Variants in TM2D3 observed in about 807,000 individuals in gnomAD.
TM2D3 encodes TM2 domain-containing protein 3.
Under a neutral mutation model 27.3 loss-of-function variants are expected in TM2D3, and 33 were observed. That is an observed-to-expected ratio of 1.21 (90% CI 0.92 to 1.61). The LOEUF (loss-of-function observed/expected upper bound fraction) is 1.61, where lower values mean the gene tolerates loss of function less well. Ranked by LOEUF, TM2D3 falls within the 40% of genes most tolerant of loss-of-function variation. TM2D3 has a pLI of 0.00. For missense variants in TM2D3, 364 were observed against 320.8 expected (o/e 1.13, Z -1.03); for synonymous variants, 138 against 122.2 (o/e 1.13, Z -0.85).
At chr15:101,652,160 C>T (rs1040256436) in intron 1 of TM2D3, 111 bp downstream of exon 1, 7 of 1,052,812 alleles carry the variant, frequency 6.6e-6, no homozygotes, top group Non-Finnish European at 8.4e-6. Context: ...GAGCCCGGCA[C>T]TCGGCCTCCT....
chr15:101,642,299 A>C lies in TM2D3; in HGVS notation c.*180T>G, dbSNP rs1896688033. ...ACAGAAAAAAATATATTTCAGGCAA[A>C]TAAAAACAAATTCCAGATTAGCATA... On this transcript the variant is annotated 3_prime_UTR_variant, in exon 6 of 6. Coordinates refer to ENST00000333202, the MANE Select transcript of TM2D3 (RefSeq NM_078474.3). 1 of 1,269,898 alleles carries C rather than the reference A, an allele frequency of 7.9e-7. No homozygotes were observed. The allele number at this position is 1,269,898 out of a possible 1,614,324, so 78.7% of individuals were successfully genotyped here.
At chr15:101,647,781 T>C (rs1896853404) in intron 3 of TM2D3, among the ~76,000 whole-genome samples, 1 of 152,184 alleles carries the variant, frequency 6.6e-6, no homozygotes, top group East Asian at 1.9e-4. Flanking sequence ...GTAGTCTTTT[T>C]ACTCTACCTG....
At chr15:101,637,464 CAT>C (rs1269440071), downstream of TM2D3, among the ~76,000 whole-genome samples, 3 of 152,130 alleles carry the variant, frequency 2.0e-5, no homozygotes, top group African/African-American at 7.2e-5. Flanking sequence ...GGCAAAGAAA[CAT>C]ATTTGGGGTT....
intron 4 of TM2D3, chr15:101,645,806 A>G (rs1896789688): frequency 7.2e-6 from 1 of 138,310 alleles, no homozygotes; most frequent in Non-Finnish European, 1.7e-5. Flanking sequence ...AAAATATACA[A>G]TAATGCAAAA....
Position 101,652,380 on chromosome 15 carries a change from C to G in TM2D3, c.-19G>C. On this transcript the variant is annotated 5_prime_UTR_variant, in exon 1 of 6. Coordinates refer to ENST00000333202, the MANE Select transcript of TM2D3 (RefSeq NM_078474.3). ...CCGCCATCTTGCCAGCGCCTGCGCA[C>G]TTCCGGGCCGGGGGGCGGGGCGCGC... 6.4e-7 allele frequency: 1 copy of G among 1,574,204 alleles called. No individual in the cohort carries two copies. Among genetic ancestry groups the G allele is most frequent in the East Asian group, 2.4e-5 (1 of 41,512 alleles).
chr15:101,646,723 A>C lies in TM2D3; in HGVS notation c.502+2T>G. On this transcript the variant is annotated splice_donor_variant, in intron 4 of 5. Coordinates refer to ENST00000333202, the MANE Select transcript of TM2D3 (RefSeq NM_078474.3). LOFTEE classifies it high-confidence loss of function. Reference sequence around the variant, plus strand: ...GACAAATGTCCTTGAACTCTGACCTACCCAAGCAGTGGACGTGGTCCCGCA... The same window carrying C: ...GACAAATGTCCTTGAACTCTGACCTCCCCAAGCAGTGGACGTGGTCCCGCA... The C allele has an allele frequency of 6.2e-7, 1 of 1,614,098 alleles. No individual in the cohort carries two copies. Among genetic ancestry groups the C allele is most frequent in the Non-Finnish European group, 8.5e-7 (1 of 1,180,010 alleles).
downstream of TM2D3, among the ~76,000 whole-genome samples, chr15:101,639,201 G>C (rs1037848703): frequency 6.6e-6 from 1 of 152,194 alleles, no homozygotes; most frequent in Non-Finnish European, 1.5e-5. Context: ...AATTTGCTAA[G>C]AGTAGATTTT....
chr15:101,645,516 T>C (rs1319948435), intron 4 of TM2D3: 1 of 245,116 alleles, frequency 4.1e-6, no homozygotes, highest in African/African-American at 2.3e-5. Context: ...GTATGAGTGT[T>C]ATGACAGAGG....
chr15:101,652,191 G>T, intron 1 of TM2D3, 80 bp downstream of exon 1: 2 of 1,314,862 alleles, frequency 1.5e-6, no homozygotes, highest in East Asian at 2.6e-5. Context: ...GCGTCCGCCC[G>T]TGGGCCCGGC....
chr15:101,636,023 T>C (rs1896543910), intron 4 of TM2D3: 1 of 151,696 alleles, frequency 6.6e-6, no homozygotes, highest in Admixed American at 6.6e-5. Flanking sequence ...GGTTACCAGC[T>C]TAAAGTGTAA....
rs1426738690 is a variant in TM2D3 at position 101,642,189 on chromosome 15, TACAAA to T, written c.*285_*289del. 7.5e-6 allele frequency: 8 copies of T among 1,065,106 alleles called. No homozygotes were observed. The African/African-American group carries it at 1.0e-4, about 13-fold the overall frequency. The allele number at this position is 1,065,106 out of a possible 1,614,324, so 66.0% of individuals were successfully genotyped here. ...AAGTGATGTAGTTTGACTTGGGCAA[TACAAA>T]ACAAAAGTCATAGGAATTAAATGGA... On this transcript the variant is annotated 3_prime_UTR_variant, in exon 6 of 6. Coordinates refer to ENST00000333202, the MANE Select transcript of TM2D3 (RefSeq NM_078474.3).
chr15:101,646,656 G>A (rs1320829008), intron 4 of TM2D3, 69 bp downstream of exon 4: 1 of 1,575,832 alleles, frequency 6.3e-7, no homozygotes, highest in Admixed American at 1.7e-5. Flanking sequence ...GCAAATTTCT[G>A]GTTAAAGTCC....
At chr15:101,651,044 T>C (rs62027586) in intron 2 of TM2D3, 15,998 of 152,548 alleles carry the variant, frequency 0.1, 1,148 homozygotes, top group Non-Finnish European at 0.15. Context: ...AGCCTCCACC[T>C]AGCAAAACAC....
At chr15:101,641,035 G>C (rs984654340), downstream of TM2D3, among the ~76,000 whole-genome samples, 6 of 152,220 alleles carry the variant, frequency 3.9e-5, no homozygotes, top group Non-Finnish European at 7.3e-5. Context: ...TTGCTCAACA[G>C]GGAAGTATTA....
intron 4 of TM2D3, 153 bp from the exon 5 acceptor site, chr15:101,645,315 C>T: frequency 1.6e-6 from 1 of 633,032 alleles, no homozygotes; most frequent in South Asian, 2.0e-5. Context: ...CGCTTACCAT[C>T]TATCTACATA....
At chr15:101,638,217 C>A (rs1896590108), downstream of TM2D3, among the ~76,000 whole-genome samples, 1 of 152,132 alleles carries the variant, frequency 6.6e-6, no homozygotes. Flanking sequence ...TTCACTTCCC[C>A]CAGCAGTAAC....
At position 101,642,616 on chromosome 15, in the gene TM2D3, G is replaced by C; in HGVS notation, c.607C>G (p.Arg203Gly). ...TCCCGCCACTGGCCCAGGTAGAAACGGTCTGCTCCAAACCCACCGAGGGTG... is the reference window on the plus strand; with the variant it reads ...TCCCGCCACTGGCCCAGGTAGAAACCGTCTGCTCCAAACCCACCGAGGGTG... ...SITLGGFGAD[R>G]FYLGQWREGL... Residue 203 changes from arginine to glycine, a missense_variant, in exon 6 of 6, where the codon CGT (arginine) becomes GGT (glycine). Arg to Gly is a moderately radical substitution (Grantham distance 125). Transcript: ENST00000333202. 1.9e-6 allele frequency: 3 copies of C among 1,612,548 alleles called. No individual in the cohort carries two copies. The highest frequency in any genetic ancestry group is 4.5e-5 in the East Asian group (2 of 44,784).
At chr15:101,642,755 G>A (rs1055177346) in intron 5 of TM2D3, 111 bp from the exon 6 acceptor site, 5 of 849,596 alleles carry the variant, frequency 5.9e-6, no homozygotes, top group South Asian at 4.7e-5. Flanking sequence ...TCCCCTGATC[G>A]TAGCCCTTAA....
At position 101,650,072 on chromosome 15, in the gene TM2D3, T is replaced by G; in HGVS notation, c.259A>C (p.Asn87His). 6.2e-7 allele frequency: 1 copy of G among 1,614,092 alleles called. No homozygotes were observed. The highest frequency in any genetic ancestry group is 8.5e-7 in the Non-Finnish European group (1 of 1,179,998). ...LPADCIDCTT[N>H]FSCTYGKPVT... is the part of the protein sequence containing the mutation. ...GGCTTCCCATAGGTACAGGAGAAAT[T>G]TGTTGTGCAGTCTATACAGTCTGCA... is the stretch of plus-strand genomic sequence containing the variant. The change falls in exon 3 of 6, where the codon AAT (asparagine) becomes CAT (histidine). Residue 87 changes from asparagine to histidine, a missense_variant. Asn to His is a moderately conservative substitution (Grantham distance 68). Transcript: ENST00000333202.
Sources: gnomAD v4.1 joint callset for allele counts (sites outside exome capture counted in the v4.1 genomes callset) on GRCh38, gnomAD v4.1.1 for gene constraint, MANE v1.5 for transcripts, NCBI Gene and HGNC (gene_info 2026-07-23, HGNC 2026-07-21) for gene names.